The following ANGEL1 variants were observed in gnomAD, a reference collection of about 807,000 sequenced individuals.
ANGEL1 encodes RNA 2',3'-cyclic phosphatase ANGEL1.
Under a neutral mutation model 76.4 loss-of-function variants are expected in ANGEL1, and 62 were observed. The observed-to-expected ratio is 0.81, with a 90% CI of 0.66 to 1.00. The LOEUF (loss-of-function observed/expected upper bound fraction) is 1.00. Ranked by LOEUF, ANGEL1 falls within the 50% of genes least tolerant of loss-of-function variation. The pLI is 0.00. For synonymous variants in ANGEL1, 340 were observed against 331.7 expected (o/e 1.03, Z -0.27); for missense variants, 737 against 836.7 (o/e 0.88, Z 1.47).
At chr14:76,801,292 T>G (rs995543662) in intron 7 of ANGEL1, among the ~76,000 whole-genome samples, 1 of 151,910 alleles carries the variant, frequency 6.6e-6, no homozygotes, top group Non-Finnish European at 1.5e-5. Context: ...TTGATTTTTT[T>G]GTAGAGACGG....
intron 7 of ANGEL1, among the ~76,000 whole-genome samples, chr14:76,798,379 A>G (rs1007123760): frequency 3.9e-5 from 6 of 152,018 alleles, no homozygotes; most frequent in African/African-American, 7.2e-5. Context: ...CTTCCACCTC[A>G]GCCTTCCAAA....
chr14:76,798,812 G>A (rs1894660586), intron 7 of ANGEL1, among the ~76,000 whole-genome samples: 1 of 151,932 alleles, frequency 6.6e-6, no homozygotes, highest in African/African-American at 2.4e-5. Context: ...GCTGGGCATG[G>A]TGTCGCATGT....
intron 9 of ANGEL1, 46 bp from the exon 10 acceptor site, chr14:76,789,434 C>G (rs137867398): frequency 6.2e-7 from 1 of 1,607,984 alleles, no homozygotes; most frequent in Non-Finnish European, 8.5e-7. Context: ...GCCGCAGCCA[C>G]ACTGCATGGG....
At chr14:76,810,590 C>T (rs1222181915) in intron 1 of ANGEL1, among the ~76,000 whole-genome samples, 7 of 152,112 alleles carry the variant, frequency 4.6e-5, no homozygotes, top group Non-Finnish European at 1.0e-4. Flanking sequence ...ATACAATTTA[C>T]ATCTTAGCAA....
At position 76,809,655 on chromosome 14, in the gene ANGEL1, G is replaced by C; in HGVS notation, c.65-12C>G. 6.2e-7 allele frequency: 1 copy of C among 1,605,554 alleles called. No individual in the cohort carries two copies. The highest frequency in any genetic ancestry group is 8.5e-7 in the Non-Finnish European group (1 of 1,174,356). ...TGTGAAGAAAGCATCTAGGAGGAAA[G>C]CCAAAATACCAGGTTATAAGACTGT... is the stretch of plus-strand genomic sequence containing the variant. On this transcript the variant is annotated splice_polypyrimidine_tract_variant and intron_variant, in intron 1 of 9. Coordinates refer to ENST00000251089, the MANE Select transcript of ANGEL1 (RefSeq NM_015305.4).
At chr14:76,789,510 C>T in intron 9 of ANGEL1, 122 bp from the exon 10 acceptor site, 1 of 1,039,426 alleles carries the variant, frequency 9.6e-7, no homozygotes, top group Non-Finnish European at 1.4e-6. Flanking sequence ...GCCCACTGCC[C>T]CTCACCTCCT....
intron 5 of ANGEL1, 21 bp from the exon 6 acceptor site, chr14:76,803,933 G>A: frequency 3.1e-6 from 5 of 1,614,140 alleles, no homozygotes; most frequent in Non-Finnish European, 4.2e-6. Flanking sequence ...AAAGAAGGGT[G>A]GGAATAAGGA....
chr14:76,802,795 G>A (rs1417183530), intron 7 of ANGEL1, among the ~76,000 whole-genome samples: 1 of 152,098 alleles, frequency 6.6e-6, no homozygotes. Context: ...TAGCACCCCT[G>A]CACGATCTCC....
In ANGEL1 at chr14:76,806,874, G is replaced by A; in HGVS notation, c.947-25C>T. 1.9e-6 allele frequency: 3 copies of A among 1,602,092 alleles called. No homozygotes were observed. In the African/African-American group the frequency reaches 4.0e-5, roughly 21 times the overall value. On this transcript the variant is annotated intron_variant, in intron 4 of 9. Coordinates refer to ENST00000251089, the MANE Select transcript of ANGEL1 (RefSeq NM_015305.4). ...CCTGCAAGGAAAATCCCACCAAAGAGATGGGTCAGAGTCCTTAAAGCCTGA... is the reference window on the plus strand; with the variant it reads ...CCTGCAAGGAAAATCCCACCAAAGAAATGGGTCAGAGTCCTTAAAGCCTGA...
chr14:76,811,767 C>T (rs1335804082), intron 1 of ANGEL1, among the ~76,000 whole-genome samples: 1 of 147,416 alleles, frequency 6.8e-6, no homozygotes, highest in African/African-American at 2.4e-5. Flanking sequence ...AATGTGTTAA[C>T]ACCAGAGATA....
At chr14:76,806,055 A>G (rs1456006819) in intron 5 of ANGEL1, among the ~76,000 whole-genome samples, 1 of 152,226 alleles carries the variant, frequency 6.6e-6, no homozygotes, top group Non-Finnish European at 1.5e-5. Flanking sequence ...AAGCTAAAAG[A>G]CTACCACCAA....
intron 7 of ANGEL1, among the ~76,000 whole-genome samples, chr14:76,792,155 T>C (rs1566695335): frequency 6.6e-6 from 1 of 152,206 alleles, no homozygotes; most frequent in Non-Finnish European, 1.5e-5. Context: ...GGATAACTTA[T>C]ATAAAATTGA....
At chr14:76,802,095 C>T (rs1219704774) in intron 7 of ANGEL1, among the ~76,000 whole-genome samples, 1 of 152,016 alleles carries the variant, frequency 6.6e-6, no homozygotes, top group Non-Finnish European at 1.5e-5. Context: ...TTGCTTGAAC[C>T]CAGGAGGCAG....
intron 1 of ANGEL1, among the ~76,000 whole-genome samples, chr14:76,811,259 C>T (rs1469476130): frequency 6.6e-6 from 1 of 152,172 alleles, no homozygotes; most frequent in Non-Finnish European, 1.5e-5. Context: ...TGCTCTAAAC[C>T]TATGTATGGG....
At chr14:76,801,154 A>G (rs1447803712) in intron 7 of ANGEL1, among the ~76,000 whole-genome samples, 1 of 150,432 alleles carries the variant, frequency 6.6e-6, no homozygotes, top group East Asian at 1.9e-4. Flanking sequence ...TCTGTCACCC[A>G]AGCTGGAGTG....
At chr14:76,792,864 A>C (rs1309009771) in intron 7 of ANGEL1, among the ~76,000 whole-genome samples, 2 of 152,226 alleles carry the variant, frequency 1.3e-5, no homozygotes, top group Non-Finnish European at 2.9e-5. Flanking sequence ...CACCTCTTCT[A>C]TTTGACATTG....
chr14:76,790,262 G>A (rs1894364344), intron 9 of ANGEL1, among the ~76,000 whole-genome samples: 1 of 152,164 alleles, frequency 6.6e-6, no homozygotes, highest in Admixed American at 6.5e-5. Context: ...CCACTGGTAT[G>A]GGGAGAGGAG....
intron 5 of ANGEL1, 51 bp downstream of exon 5, chr14:76,806,364 GA>G (rs1321837522): frequency 1.3e-6 from 2 of 1,551,856 alleles, no homozygotes; most frequent in Non-Finnish European, 1.7e-6. Flanking sequence ...GCTAACGCCT[GA>G]ATCTCTCTTA....
In ANGEL1 at chr14:76,803,911, ACC is replaced by A; in HGVS notation, c.1381-1_1381del. 2 of 1,614,214 alleles carry A rather than the reference ACC, an allele frequency of 1.2e-6. No homozygotes were observed. The highest frequency in any genetic ancestry group is 1.7e-6 in the Non-Finnish European group (2 of 1,180,034). On this transcript the variant is annotated splice_acceptor_variant and coding_sequence_variant, in exon 6 of 10. Coordinates refer to ENST00000251089, the MANE Select transcript of ANGEL1 (RefSeq NM_015305.4). LOFTEE classifies it high-confidence loss of function. ...ATGGGAGAAGTCTTCCTGTCCAGATACCTGGGTGGAAAAAGAAGGGTGGGAAT... is the reference window on the plus strand; with the variant it reads ...ATGGGAGAAGTCTTCCTGTCCAGATATGGGTGGAAAAAGAAGGGTGGGAAT...
Sources: allele counts gnomAD v4.1 joint callset (sites outside exome capture counted in the v4.1 genomes callset), GRCh38; gene constraint gnomAD v4.1.1; transcripts MANE v1.5; gene names NCBI Gene and HGNC (gene_info 2026-07-23, HGNC 2026-07-21).